Variants in XKR9 observed in about 807,000 individuals in gnomAD.
The protein encoded by XKR9 is XK-related protein 9.
A neutral mutation model predicts 32.0 loss-of-function variants in XKR9; 32 were observed. The observed-to-expected ratio is 1.00, with a 90% CI of 0.76 to 1.34. The LOEUF is 1.34. Ranked by LOEUF, XKR9 falls within the 40% of genes most tolerant of loss-of-function variation. The pLI is 0.00. For synonymous variants in XKR9, 168 were observed against 143.4 expected (o/e 1.17, Z -1.22); for missense variants, 546 against 429.7 (o/e 1.27, Z -2.39).
intron 2 of XKR9, among the ~76,000 whole-genome samples, chr8:70,679,090 T>A (rs1009273084): frequency 6.6e-6 from 1 of 152,190 alleles, no homozygotes; most frequent in Non-Finnish European, 1.5e-5. Flanking sequence ...ATGGCTGCCT[T>A]CTTGTGTCCT....
At chr8:70,770,159 T>C (rs1487314398) in intron 2 of XKR9, among the ~76,000 whole-genome samples, 1 of 152,190 alleles carries the variant, frequency 6.6e-6, no homozygotes, top group African/African-American at 2.4e-5. Flanking sequence ...TTGATGTTAT[T>C]GCTTTCTGTT....
At chr8:70,727,709 G>A (rs1586863801) in intron 4 of XKR9, among the ~76,000 whole-genome samples, 3 of 151,862 alleles carry the variant, frequency 2.0e-5, no homozygotes, top group East Asian at 1.9e-4. Flanking sequence ...GTGGATCAGG[G>A]TTTTAAAGGA....
At chr8:70,752,853 AG>A (rs1400663132) in intron 2 of XKR9, among the ~76,000 whole-genome samples, 1 of 152,194 alleles carries the variant, frequency 6.6e-6, no homozygotes, top group Admixed American at 6.5e-5. Flanking sequence ...CACAATTAAA[AG>A]AACTAGAAAA....
downstream of XKR9, among the ~76,000 whole-genome samples, chr8:70,793,409 T>C (rs1253843637): frequency 1.3e-5 from 2 of 152,042 alleles, no homozygotes; most frequent in African/African-American, 4.8e-5. Flanking sequence ...GGTGTATTTA[T>C]AAAAAGAGGA....
At chr8:70,873,984 C>T in the XKR9 span, among the ~76,000 whole-genome samples, 1 of 152,162 alleles carries the variant, frequency 6.6e-6, no homozygotes, top group African/African-American at 2.4e-5. Flanking sequence ...AGCCACCAAC[C>T]CTGAGGTGTA....
intron 2 of XKR9, among the ~76,000 whole-genome samples, chr8:70,760,857 C>A (rs1223294116): frequency 6.6e-6 from 1 of 152,112 alleles, no homozygotes; most frequent in African/African-American, 2.4e-5. Flanking sequence ...TGATCCTGTT[C>A]TTCCTCCCAC....
the XKR9 span, among the ~76,000 whole-genome samples, chr8:71,065,685 AG>A: frequency 2.0e-5 from 3 of 152,208 alleles, no homozygotes; most frequent in African/African-American, 7.2e-5. Context: ...GATGGTATTG[AG>A]CTTCTAATCT....
At chr8:71,017,851 G>A in the XKR9 span, among the ~76,000 whole-genome samples, 17 of 152,256 alleles carry the variant, frequency 1.1e-4, no homozygotes, top group African/African-American at 3.6e-4. Context: ...TCAAATAATG[G>A]CAGCACTTGA....
intron 2 of XKR9, among the ~76,000 whole-genome samples, chr8:70,676,369 C>T (rs1818889473): frequency 1.3e-5 from 2 of 152,248 alleles, no homozygotes; most frequent in South Asian, 4.1e-4. Context: ...ATATCATTGT[C>T]CTATTAAGTC....
chr8:70,980,353 C>T, the XKR9 span, among the ~76,000 whole-genome samples: 1 of 152,326 alleles, frequency 6.6e-6, no homozygotes, highest in East Asian at 1.9e-4. Context: ...CAGTCATGCT[C>T]GGAGCTCCAG....
the XKR9 span, among the ~76,000 whole-genome samples, chr8:70,803,004 G>A: frequency 6.6e-5 from 10 of 152,272 alleles, no homozygotes; most frequent in South Asian, 4.1e-4. Context: ...CTTCCCTAGC[G>A]AAGTTGGGGA....
At chr8:70,944,406 A>G in the XKR9 span, among the ~76,000 whole-genome samples, 5 of 152,332 alleles carry the variant, frequency 3.3e-5, no homozygotes, top group Admixed American at 3.3e-4. Context: ...CAAATGTAAT[A>G]TTTTTTAGAA....
the XKR9 span, among the ~76,000 whole-genome samples, chr8:71,030,030 T>C: frequency 2.0e-5 from 3 of 152,088 alleles, no homozygotes; most frequent in African/African-American, 7.2e-5. Context: ...CTTGGTAATG[T>C]ATAAATCTTC....
chr8:70,797,030 C>A, the XKR9 span, among the ~76,000 whole-genome samples: 2 of 152,166 alleles, frequency 1.3e-5, no homozygotes, highest in African/African-American at 4.8e-5. Context: ...CAGCATTAAA[C>A]CTCCATTTAT....
chr8:70,976,682 T>C, the XKR9 span, among the ~76,000 whole-genome samples: 1 of 152,212 alleles, frequency 6.6e-6, no homozygotes, highest in Non-Finnish European at 1.5e-5. Flanking sequence ...AAATTCTCTT[T>C]TTTTGTTATG....
chr8:70,699,509 C>A (rs561671683), intron 3 of XKR9, among the ~76,000 whole-genome samples: 32 of 152,230 alleles, frequency 2.1e-4, no homozygotes, highest in South Asian at 1.5e-3. Flanking sequence ...TGAATATTGG[C>A]CCCCACTCTC....
the XKR9 span, among the ~76,000 whole-genome samples, chr8:70,797,302 A>G: frequency 6.6e-6 from 1 of 152,210 alleles, no homozygotes; most frequent in African/African-American, 2.4e-5. Context: ...GGACAGGCAC[A>G]TGAACAAGAA....
At chr8:70,964,910 T>G in the XKR9 span, among the ~76,000 whole-genome samples, 36 of 152,314 alleles carry the variant, frequency 2.4e-4, no homozygotes, top group African/African-American at 8.7e-4. Context: ...TTAATTTCAC[T>G]TCCTCTCTTC....
downstream of XKR9, among the ~76,000 whole-genome samples, chr8:70,740,627 T>C (rs1434269486): frequency 6.6e-6 from 1 of 152,022 alleles, no homozygotes; most frequent in Non-Finnish European, 1.5e-5. Flanking sequence ...ATGATGGTGA[T>C]GTACAGATGG....
Sources: gnomAD v4.1 joint callset for allele counts (sites outside exome capture counted in the v4.1 genomes callset) on GRCh38, gnomAD v4.1.1 for gene constraint, MANE v1.5 for transcripts, NCBI Gene and HGNC (gene_info 2026-07-23, HGNC 2026-07-21) for gene names.